Variants in FMO3 observed in about 807,000 individuals in gnomAD.
FMO3 encodes the protein flavin containing dimethylaniline monoxygenase 3.
A neutral mutation model predicts 39.4 loss-of-function variants in FMO3; 40 were observed. The ratio of observed to expected loss-of-function variants is 1.02; its 90% CI spans 0.79 to 1.32. FMO3 has a LOEUF of 1.32. Among genes scored for constraint, FMO3 ranks in the 40% most tolerant of loss-of-function variants. The probability of loss-of-function intolerance (pLI) is 0.00; values close to 1 mark genes in which losing one functional copy is unlikely to be tolerated. For synonymous variants in FMO3, 219 were observed against 228.8 expected (o/e 0.96, Z 0.39); for missense variants, 680 against 651.8 (o/e 1.04, Z -0.47).
At chr1:171,114,512 C>A in intron 7 of FMO3, 150 bp downstream of exon 7, 1 of 680,338 alleles carries the variant, frequency 1.5e-6, no homozygotes, top group South Asian at 1.7e-5. Context: ...ATTTTGTTAG[C>A]AATTTAAAGT....
At chr1:171,113,982 A>G (rs1394330141) in intron 6 of FMO3, 25 bp from the exon 7 acceptor site, 27 of 1,447,874 alleles carry the variant, frequency 1.9e-5, no homozygotes, top group Non-Finnish European at 2.4e-5. Flanking sequence ...TACACTTCCA[A>G]TAATTGTCTC....
In FMO3 at chr1:171,109,466, ATAAAT is replaced by A. The variant is rs1252510719; in HGVS notation, c.627+1250_627+1254del. ...GTATATGTGATTATTTGCATATGTG[ATAAAT>A]TAAAGGGAAGATCAATTTCAGAGGC... On this transcript the variant is annotated intron_variant, in intron 5 of 8. Coordinates refer to ENST00000367755, the MANE Select transcript of FMO3 (RefSeq NM_001002294.3). Among the ~76,000 whole-genome samples the A allele has an allele frequency of 2.7e-5, 4 of 150,548 alleles. No homozygotes were observed. In the East Asian group the frequency reaches 5.9e-4, roughly 22 times the overall value.
intron 2 of FMO3, among the ~76,000 whole-genome samples, chr1:171,096,151 G>GATATT (rs1655024008): frequency 1.2e-5 from 1 of 80,476 alleles, no homozygotes; most frequent in Non-Finnish European, 2.1e-5. Context: ...ATATTGATAT[G>GATATT]AATATATAAT....
At chr1:171,096,214 A>T (rs1362937164) in intron 2 of FMO3, among the ~76,000 whole-genome samples, 1 of 64,914 alleles carries the variant, frequency 1.5e-5, no homozygotes, top group South Asian at 5.8e-4. Context: ...TATAATATTT[A>T]TATATAAATA....
chr1:171,096,896 T>C (rs1571204863), intron 2 of FMO3, among the ~76,000 whole-genome samples: 1 of 151,304 alleles, frequency 6.6e-6, no homozygotes, highest in African/African-American at 2.4e-5. Flanking sequence ...CCCATTAACT[T>C]GTCATTTAGC....
At chr1:171,111,557 C>G (rs1655911333) in intron 6 of FMO3, among the ~76,000 whole-genome samples, 1 of 152,132 alleles carries the variant, frequency 6.6e-6, no homozygotes, top group Admixed American at 6.6e-5. Context: ...ACCTTTCCCT[C>G]TTCGTTTCAT....
chr1:171,096,043 T>TAA (rs1557933081), intron 2 of FMO3, among the ~76,000 whole-genome samples: 1 of 56,552 alleles, frequency 1.8e-5, no homozygotes, highest in African/African-American at 1.1e-4. Context: ...ATATATATTA[T>TAA]ATATAAATAT....
At position 171,110,876 on chromosome 1, in the gene FMO3, G is replaced by A. The variant is rs201271626; in HGVS notation, c.706G>A (p.Val236Ile). The change falls in exon 6 of 9, where the codon GTC becomes ATC. Residue 236 changes from valine to isoleucine, a missense_variant. Transcript: ENST00000367755. ...DNGYPWDMLL[V>I]TRFGTFLKNN... ...TGGTTATCCTTGGGACATGCTGCTC[G>A]TCACTCGATTTGGAACCTTCCTCAA... The A allele has an allele frequency of 4.3e-4, 689 of 1,613,998 alleles. 4 individuals carry two copies. In the South Asian group the frequency reaches 6.8e-3, roughly 16 times the overall value.
Position 171,103,864 on chromosome 1 carries a change from A to T in FMO3, c.212A>T (p.Asp71Val), listed in dbSNP as rs1655521654. 1 of 1,613,722 alleles carries T rather than the reference A, an allele frequency of 6.2e-7. No individual in the cohort carries two copies. The highest frequency in any genetic ancestry group is 8.5e-7 in the Non-Finnish European group (1 of 1,179,816). The change falls in exon 3 of 9, where the codon GAC becomes GTC. Residue 71 changes from aspartate to valine, a missense_variant. Asp to Val is a radical substitution (Grantham distance 152). Transcript: ENST00000367755. ...NSSKEMMCFP[D>V]FPFPDDFPNF... ...TCCAAAGAGATGATGTGTTTCCCAG[A>T]CTTCCCATTTCCCGATGACTTCCCC... is the stretch of plus-strand genomic sequence containing the variant.
intron 3 of FMO3, among the ~76,000 whole-genome samples, chr1:171,104,302 G>A (rs1655542859): frequency 6.6e-6 from 1 of 151,732 alleles, no homozygotes; most frequent in South Asian, 2.1e-4. Context: ...AATTTCAATG[G>A]GAATTTAAAA....
rs10636613 is a variant in FMO3, at chr1:171,091,889, T to TTG, written c.-6-763_-6-762dup. On this transcript the variant is annotated intron_variant, in intron 1 of 8. Transcript: ENST00000367755. ...TATCTAAGTAAAAAGAAGATACAGA[T>TTG]TGCGTGTGTGTGTGTGTGTGTGTAT... 5.6e-3 allele frequency among the ~76,000 whole-genome samples: 816 copies of TTG among 145,648 alleles called. 9 individuals carry two copies. The highest frequency in any genetic ancestry group is 0.019 in the African/African-American group (718 of 38,664).
intron 5 of FMO3, among the ~76,000 whole-genome samples, chr1:171,109,996 A>G (rs1324429175): frequency 6.6e-6 from 1 of 152,196 alleles, no homozygotes; most frequent in Non-Finnish European, 1.5e-5. Flanking sequence ...ACTGACATTT[A>G]CTGAGCACAT....
At chr1:171,113,938 TTATA>T in intron 6 of FMO3, 65 bp from the exon 7 acceptor site, 1 of 1,152,304 alleles carries the variant, frequency 8.7e-7, no homozygotes, top group Non-Finnish European at 1.2e-6. Flanking sequence ...CCTTATCAAT[TTATA>T]TATGGACCAA....
intron 2 of FMO3, among the ~76,000 whole-genome samples, chr1:171,094,545 A>T (rs28745586): frequency 6.6e-6 from 1 of 151,892 alleles, no homozygotes; most frequent in Non-Finnish European, 1.5e-5. Flanking sequence ...AGTTTTACCT[A>T]TTTTTTTCTA....
At chr1:171,093,504 T>C (rs1215831078) in intron 2 of FMO3, among the ~76,000 whole-genome samples, 2 of 139,528 alleles carry the variant, frequency 1.4e-5, no homozygotes, top group Non-Finnish European at 2.9e-5. Flanking sequence ...TGTGCATATA[T>C]ACATACATAT....
rs72549327 is a variant in FMO3 at position 171,108,190 on chromosome 1, T to C, written c.596T>C (p.Ile199Thr). Residue 199 changes from isoleucine to threonine, a missense_variant, in exon 5 of 9, where the codon ATT becomes ACT. Physicochemically the swap from Ile to Thr is moderately conservative, Grantham distance 89. Transcript: ENST00000367755. Reference protein sequence around the residue: ...VVGLGNSGCDIATELSRTAEQ... With the variant: ...VVGLGNSGCDTATELSRTAEQ... The stretch of plus-strand genomic sequence containing the variant: ...GGCCTGGGGAATTCGGGCTGTGATA[T>C]TGCCACAGAACTCAGCCGCACAGCA... 6.2e-6 allele frequency: 10 copies of C among 1,613,780 alleles called. No individual in the cohort carries two copies. In the South Asian group the frequency reaches 8.8e-5, roughly 14 times the overall value.
chr1:171,105,013 TAA>T (rs970055651), intron 3 of FMO3, among the ~76,000 whole-genome samples: 2 of 152,044 alleles, frequency 1.3e-5, no homozygotes, highest in Non-Finnish European at 2.9e-5. Flanking sequence ...AAGAATACTA[TAA>T]AAGTGTTTGC....
In FMO3 at chr1:171,108,205, G is replaced by A; in HGVS notation, c.611G>A (p.Ser204Asn). Residue 204 changes from serine to asparagine, a missense_variant, in exon 5 of 9, where the codon AGC (serine) becomes AAC (asparagine). By Grantham distance (46) the Ser-to-Asn change is conservative. Transcript: ENST00000367755. ...GGCTGTGATATTGCCACAGAACTCA[G>A]CCGCACAGCAGAACAGGTACTACTC... ...NSGCDIATEL[S>N]RTAEQVMISS... 6.2e-7 allele frequency: 1 copy of A among 1,613,836 alleles called. No homozygotes were observed. Among genetic ancestry groups the A allele is most frequent in the Non-Finnish European group, 8.5e-7 (1 of 1,179,872 alleles).
At chr1:171,114,481 T>G (rs561326379) in intron 7 of FMO3, 119 bp downstream of exon 7, 1 of 761,820 alleles carries the variant, frequency 1.3e-6, no homozygotes, top group African/African-American at 1.7e-5. Flanking sequence ...AAATTTATAA[T>G]TCTATATTCT....
Sources: gnomAD v4.1 joint callset for allele counts (sites outside exome capture counted in the v4.1 genomes callset) on GRCh38, gnomAD v4.1.1 for gene constraint, MANE v1.5 for transcripts, NCBI Gene and HGNC (gene_info 2026-07-23, HGNC 2026-07-21) for gene names.